The following CNTN4 variants were observed in gnomAD, a reference collection of about 807,000 sequenced individuals.
CNTN4 encodes the protein contactin-4.
In CNTN4, 77 loss-of-function variants were observed where a neutral mutation model predicts 122.5. The ratio of observed to expected loss-of-function variants is 0.63; its 90% CI spans 0.52 to 0.76. The LOEUF is 0.76. Among genes scored for constraint, CNTN4 ranks in the 30% least tolerant of loss-of-function variants. The pLI, the probability that CNTN4 is intolerant of heterozygous loss-of-function variation, is 0.00. For missense variants in CNTN4, 1,256 were observed against 1,259.1 expected (o/e 1.00, Z 0.04); for synonymous variants, 512 against 447.0 (o/e 1.15, Z -1.83).
At chr3:2,281,534 C>G (rs1451365657) in intron 2 of CNTN4, among the ~76,000 whole-genome samples, 1 of 151,978 alleles carries the variant, frequency 6.6e-6, no homozygotes, top group Admixed American at 6.6e-5. Context: ...TTGAGTTATT[C>G]CTAAAGGAAT....
chr3:2,170,380 T>C (rs1166648203), intron 2 of CNTN4, among the ~76,000 whole-genome samples: 1 of 151,590 alleles, frequency 6.6e-6, no homozygotes, highest in Non-Finnish European at 1.5e-5. Flanking sequence ...AAGAAAGAAA[T>C]ACAAAAAAAT....
chr3:2,767,532 T>G (rs1027209962), intron 6 of CNTN4, among the ~76,000 whole-genome samples: 2 of 150,104 alleles, frequency 1.3e-5, no homozygotes, highest in Non-Finnish European at 2.9e-5. Flanking sequence ...GGCTTTTTTG[T>G]TTTTGTTTTT....
chr3:2,729,640 A>G (rs2088525929), intron 4 of CNTN4, among the ~76,000 whole-genome samples: 1 of 150,502 alleles, frequency 6.6e-6, no homozygotes. Flanking sequence ...ATAGGCCAGG[A>G]GCAGTGGCTC....
At chr3:2,313,676 T>C (rs1143980) in intron 2 of CNTN4, among the ~76,000 whole-genome samples, 151,070 of 152,104 alleles carry the variant, frequency 0.99, 75,024 homozygotes, top group Middle Eastern at 1. Context: ...ATGTTTGATA[T>C]ACTTTCTTAA....
At chr3:2,954,370 C>A (rs2094777192) in intron 13 of CNTN4, among the ~76,000 whole-genome samples, 1 of 152,218 alleles carries the variant, frequency 6.6e-6, no homozygotes, top group Non-Finnish European at 1.5e-5. Context: ...AGATCAGTTA[C>A]TACCGATGGA....
chr3:2,381,615 C>A (rs1228625270), intron 3 of CNTN4, among the ~76,000 whole-genome samples: 1 of 152,296 alleles, frequency 6.6e-6, no homozygotes, highest in African/African-American at 2.4e-5. Flanking sequence ...TTTTTCCCTT[C>A]TAAGTCTGTA....
At chr3:2,291,068 T>C (rs908790185) in intron 2 of CNTN4, among the ~76,000 whole-genome samples, 1 of 152,222 alleles carries the variant, frequency 6.6e-6, no homozygotes, top group Admixed American at 6.5e-5. Context: ...AGCTGTACTT[T>C]TGAATAACTG....
At chr3:2,865,023 C>T (rs1475331081) in intron 7 of CNTN4, among the ~76,000 whole-genome samples, 2 of 152,156 alleles carry the variant, frequency 1.3e-5, no homozygotes, top group Non-Finnish European at 2.9e-5. Context: ...GCCTGCCATA[C>T]GGGATAGTAC....
At chr3:2,783,247 C>T (rs536345452) in intron 6 of CNTN4, among the ~76,000 whole-genome samples, 42 of 152,052 alleles carry the variant, frequency 2.8e-4, no homozygotes, top group African/African-American at 1.0e-3. Flanking sequence ...CATACCATGT[C>T]ACTGCACTCC....
intron 2 of CNTN4, among the ~76,000 whole-genome samples, chr3:2,286,073 C>A (rs2041888868): frequency 6.6e-6 from 1 of 151,710 alleles, no homozygotes; most frequent in Non-Finnish European, 1.5e-5. Context: ...TTAGGTACAT[C>A]CTTGCTGACT....
chr3:2,335,039 G>C (rs574146591), intron 2 of CNTN4, among the ~76,000 whole-genome samples: 6 of 152,260 alleles, frequency 3.9e-5, no homozygotes, highest in African/African-American at 1.4e-4. Flanking sequence ...TAGCTGAGAA[G>C]CTCTGCAGTC....
intron 12 of CNTN4, among the ~76,000 whole-genome samples, chr3:2,908,157 T>A (rs908492213): frequency 2.0e-5 from 3 of 152,202 alleles, no homozygotes; most frequent in African/African-American, 7.2e-5. Context: ...GAAGGTGTAT[T>A]ACAATTAGAG....
chr3:2,772,080 A>T (rs1439198209), intron 6 of CNTN4, among the ~76,000 whole-genome samples: 3 of 152,104 alleles, frequency 2.0e-5, no homozygotes, highest in Non-Finnish European at 4.4e-5. Flanking sequence ...CGGGGAGATG[A>T]TGGAGGACCT....
chr3:2,892,508 T>A (rs2094054825), intron 10 of CNTN4, among the ~76,000 whole-genome samples: 1 of 152,234 alleles, frequency 6.6e-6, no homozygotes, highest in African/African-American at 2.4e-5. Flanking sequence ...GCTAAGGCAA[T>A]TATCTTTGAA....
At chr3:2,307,743 A>T (rs73807712) in intron 2 of CNTN4, among the ~76,000 whole-genome samples, 3,567 of 152,232 alleles carry the variant, frequency 0.023, 136 homozygotes, top group African/African-American at 0.082. Flanking sequence ...ATGTTGAATT[A>T]ATCTTGCTTT....
rs559075531 is a variant in CNTN4 at position 2,696,977 on chromosome 3, C to T, written c.56-39238C>T. 1.2e-4 allele frequency among the ~76,000 whole-genome samples: 18 copies of T among 152,182 alleles called. 1 individual carries two copies. The highest frequency in any genetic ancestry group is 8.3e-4 in the South Asian group (4 of 4,822). On this transcript the variant is annotated intron_variant, in intron 4 of 24. Transcript: ENST00000418658. ...GTGAATACTTAGGAACGGAAGGTTG[C>T]GAATTAAAAAATAAAATTATTCTCC... is the stretch of plus-strand genomic sequence containing the variant.
chr3:2,193,618 A>G (rs1258973058), intron 2 of CNTN4, among the ~76,000 whole-genome samples: 1 of 152,236 alleles, frequency 6.6e-6, no homozygotes, highest in Non-Finnish European at 1.5e-5. Context: ...AGCAGATTAG[A>G]TAACATTTCT....
intron 2 of CNTN4, among the ~76,000 whole-genome samples, chr3:2,280,172 C>G (rs1462402110): frequency 6.6e-6 from 1 of 152,022 alleles, no homozygotes; most frequent in East Asian, 1.9e-4. Context: ...GTTGCCCAGG[C>G]TGGTCTCAAA....
intron 3 of CNTN4, among the ~76,000 whole-genome samples, chr3:2,496,209 G>A (rs1179617859): frequency 6.6e-6 from 1 of 152,112 alleles, no homozygotes; most frequent in Non-Finnish European, 1.5e-5. Flanking sequence ...TCTACCAGTA[G>A]GAAAGCCATT....
Sources: allele counts gnomAD v4.1 joint callset (sites outside exome capture counted in the v4.1 genomes callset), GRCh38; gene constraint gnomAD v4.1.1; transcripts MANE v1.5; gene names NCBI Gene and HGNC (gene_info 2026-07-23, HGNC 2026-07-21).